The following EML2 variants were observed in gnomAD, a reference collection of about 807,000 sequenced individuals.
EML2 encodes the protein echinoderm microtubule-associated protein-like 2.
EML2 carries 59 observed loss-of-function variants against 84.7 expected under a neutral mutation model. The ratio of observed to expected loss-of-function variants is 0.70; its 90% CI spans 0.56 to 0.86. The LOEUF is 0.86. EML2 is among the 40% of genes least tolerant of loss of function. EML2 has a pLI of 0.00. For missense variants in EML2, 818 were observed against 855.6 expected (o/e 0.96, Z 0.55); for synonymous variants, 352 against 348.9 (o/e 1.01, Z -0.10).
intron 13 of EML2, among the ~76,000 whole-genome samples, 180 bp from the exon 14 acceptor site, chr19:45,617,033 G>A (rs1180908611): frequency 6.6e-6 from 1 of 152,182 alleles, no homozygotes; most frequent in Non-Finnish European, 1.5e-5. Context: ...ATCACTTGAG[G>A]TCAAGAGTTC....
Position 45,632,725 on chromosome 19 carries a change from A to G in EML2, c.510+136T>C, listed in dbSNP as rs1023162841. The G allele has an allele frequency of 5.6e-6, 4 of 720,084 alleles. No individual in the cohort carries two copies. In the Admixed American group the frequency reaches 7.3e-5, roughly 13 times the overall value. 44.6% of individuals were successfully genotyped at this position (720,084 alleles called of 1,614,324 possible). ...CCCCTTGGGGTGAGGACACGCCCTC[A>G]TTGTGACGTCACAGAGGCGGGCCAC... On this transcript the variant is annotated intron_variant, in intron 6 of 18. Transcript: ENST00000245925.
At position 45,621,036 on chromosome 19, in the gene EML2, A is replaced by G. The variant is rs1053733720; in HGVS notation, c.1122+171T>C. ...GGGCCCCTCTGCTGTGCTTGGAGTT[A>G]AACTCTTGGTTGCTGGATCCTGGGA... On this transcript the variant is annotated intron_variant, in intron 11 of 18. Transcript: ENST00000245925. 4 of 1,034,380 alleles carry G rather than the reference A, an allele frequency of 3.9e-6. No individual in the cohort carries two copies. In the African/African-American group the frequency reaches 6.3e-5, roughly 16 times the overall value. The allele number at this position is 1,034,380 out of a possible 1,614,324, so 64.1% of individuals were successfully genotyped here.
At chr19:45,610,290 C>T (rs543337290) in intron 18 of EML2, among the ~76,000 whole-genome samples, 1 of 152,074 alleles carries the variant, frequency 6.6e-6, no homozygotes, top group African/African-American at 2.4e-5. Flanking sequence ...CGAGCTACTT[C>T]GGAGGCTGAG....
chr19:45,615,765 C>T (rs1263055719), intron 16 of EML2, 37 bp downstream of exon 16: 1 of 1,552,224 alleles, frequency 6.4e-7, no homozygotes, highest in African/African-American at 1.4e-5. Context: ...GCAAATGAGA[C>T]GGAGGAAGTA....
In EML2 at chr19:45,614,683, T is replaced by C; in HGVS notation, c.1615A>G (p.Lys539Glu). ...EILYWDPATC[K>E]QITSADAVRN... ...ACAGCATCCGCACTGGTGATCTGCTTACAGGTAGCCGGGTCCCCTGGGGCA... is the reference window on the plus strand; with the variant it reads ...ACAGCATCCGCACTGGTGATCTGCTCACAGGTAGCCGGGTCCCCTGGGGCA... Residue 539 changes from lysine (K) to glutamate (E), a missense_variant, in exon 17 of 19, where the codon AAG (lysine) becomes GAG (glutamate). Coordinates refer to ENST00000245925, the MANE Select transcript of EML2 (RefSeq NM_012155.4). The C allele has an allele frequency of 1.2e-6, 2 of 1,613,988 alleles. No individual in the cohort carries two copies. The highest frequency in any genetic ancestry group is 1.7e-6 in the Non-Finnish European group (2 of 1,179,880).
chr19:45,629,646 A>C (rs1392183519), intron 7 of EML2, among the ~76,000 whole-genome samples: 2 of 144,980 alleles, frequency 1.4e-5, no homozygotes, highest in Admixed American at 6.9e-5. Flanking sequence ...TTTTAAGTAG[A>C]GATAGGTCTC....
At chr19:45,628,350 A>G (rs1972616193) in intron 7 of EML2, among the ~76,000 whole-genome samples, 1 of 150,400 alleles carries the variant, frequency 6.6e-6, no homozygotes, top group Non-Finnish European at 1.5e-5. Flanking sequence ...CCTGGGTGAC[A>G]GGGCGAGACT....
At chr19:45,611,055 C>G (rs1228176705) in intron 18 of EML2, among the ~76,000 whole-genome samples, 2 of 152,056 alleles carry the variant, frequency 1.3e-5, no homozygotes, top group African/African-American at 4.8e-5. Flanking sequence ...TATGTACTGG[C>G]TATGAGATCA....
chr19:45,645,304 G>C, upstream of EML2: 1 of 1,533,658 alleles, frequency 6.5e-7, no homozygotes, highest in Non-Finnish European at 8.7e-7. Flanking sequence ...AGGACGTGTC[G>C]TACAGGCCGC....
At chr19:45,643,498 C>G, upstream of EML2, 1 of 1,527,456 alleles carries the variant, frequency 6.5e-7, no homozygotes, top group Non-Finnish European at 8.8e-7. Flanking sequence ...GTCGCCCCCC[C>G]AACCCCGCTC....
chr19:45,616,662 C>G, intron 14 of EML2, 103 bp downstream of exon 14: 1 of 1,372,800 alleles, frequency 7.3e-7, no homozygotes. Context: ...CCACTGCATC[C>G]CTCCTAGGCC....
chr19:45,624,390 AG>A (rs1341519671), intron 9 of EML2, among the ~76,000 whole-genome samples: 5 of 152,194 alleles, frequency 3.3e-5, no homozygotes, highest in African/African-American at 1.2e-4. Flanking sequence ...GCTGGGACAA[AG>A]CACTTGTCCA....
chr19:45,615,720 G>A, intron 16 of EML2, 82 bp downstream of exon 16: 1 of 1,217,904 alleles, frequency 8.2e-7, no homozygotes, highest in Non-Finnish European at 1.2e-6. Context: ...GAGGCTTGAA[G>A]CCCCTCCCTC....
At position 45,638,573 on chromosome 19, in the gene EML2, C is replaced by T; in HGVS notation, c.111G>A (p.Glu37=). The change falls in exon 3 of 19, where the codon GAG becomes GAA. Residue 37 remains glutamate, a synonymous_variant. Coordinates refer to ENST00000245925, the MANE Select transcript of EML2 (RefSeq NM_012155.4). ...GRPVPMMIPD[E]LAPTYSLDTR... ...TGTCCAGGCTGTAGGTGGGTGCCAGCTCGTCTGGGATCATCATGGGCACAG... is the reference window on the plus strand; with the variant it reads ...TGTCCAGGCTGTAGGTGGGTGCCAGTTCGTCTGGGATCATCATGGGCACAG... 6.2e-7 allele frequency: 1 copy of T among 1,614,110 alleles called. No individual in the cohort carries two copies. The highest frequency in any genetic ancestry group is 8.5e-7 in the Non-Finnish European group (1 of 1,180,044).
At chr19:45,613,471 G>A (rs1970698373) in intron 18 of EML2, 70 bp downstream of exon 18, 1 of 1,572,684 alleles carries the variant, frequency 6.4e-7, no homozygotes, top group Admixed American at 1.7e-5. Context: ...GGTTGGACCA[G>A]AGCTGCCTGA....
Position 45,621,310 on chromosome 19 carries a change from A to G in EML2, c.1019T>C (p.Val340Ala), listed in dbSNP as rs774988408. Reference sequence around the variant, plus strand: ...TCCGTGGCCCTCTGCCACGGTGCGCACAGGGCCAAAGTCCTCAGGGACCTG... The same window carrying G: ...TCCGTGGCCCTCTGCCACGGTGCGCGCAGGGCCAAAGTCCTCAGGGACCTG... ...EVEVPEDFGP[V>A]RTVAEGHGDT... The change falls in exon 11 of 19, where the codon GTG (valine) becomes GCG (alanine). Residue 340 changes from valine (V) to alanine (A), a missense_variant. Transcript: ENST00000245925. 1 of 1,610,046 alleles carries G rather than the reference A, an allele frequency of 6.2e-7. No homozygotes were observed. The highest frequency in any genetic ancestry group is 8.5e-7 in the Non-Finnish European group (1 of 1,177,364).
chr19:45,624,890 C>T (rs1972125076), intron 8 of EML2, 72 bp from the exon 9 acceptor site: 5 of 1,123,180 alleles, frequency 4.5e-6, no homozygotes, highest in Admixed American at 2.0e-5. Flanking sequence ...TCATCTGTCA[C>T]CCAGGACCGT....
chr19:45,638,955 G>T lies in EML2; in HGVS notation c.21-82C>A, dbSNP rs188492479. On this transcript the variant is annotated intron_variant, in intron 1 of 18. Coordinates refer to ENST00000245925, the MANE Select transcript of EML2 (RefSeq NM_012155.4). The stretch of plus-strand genomic sequence containing the variant: ...GAGAAACCATTCCTCCACCCCCACC[G>T]CTCCCCGGAGGTCTCCGATGAAAAC... 11 of 1,524,226 alleles carry T rather than the reference G, an allele frequency of 7.2e-6. No individual in the cohort carries two copies. In the East Asian group the frequency reaches 2.5e-4, roughly 34 times the overall value. The allele number at this position is 1,524,226 out of a possible 1,614,324, so 94.4% of individuals were successfully genotyped here. A position where few individuals can be genotyped will look rare whatever the true frequency, so the allele number is the denominator to read the frequency against.
upstream of EML2, chr19:45,639,455 G>C (rs1181987376): frequency 8.1e-7 from 1 of 1,231,846 alleles, no homozygotes; most frequent in Non-Finnish European, 1.0e-6. Flanking sequence ...GAGGCGCCCG[G>C]GCCGCCGCGC....
Sources: allele counts gnomAD v4.1 joint callset (sites outside exome capture counted in the v4.1 genomes callset), GRCh38; gene constraint gnomAD v4.1.1; transcripts MANE v1.5; gene names NCBI Gene and HGNC (gene_info 2026-07-23, HGNC 2026-07-21).